The following SCFD2 variants were observed in gnomAD, a reference collection of about 807,000 sequenced individuals.
The protein encoded by SCFD2 is sec1 family domain containing 2.
In SCFD2, 54 loss-of-function variants were observed where a neutral mutation model predicts 58.9. The observed-to-expected ratio is 0.92, with a 90% CI of 0.74 to 1.15. The LOEUF is 1.15. SCFD2 is among the 50% of genes most tolerant of loss of function. SCFD2 has a pLI of 0.00. For synonymous variants in SCFD2, 321 were observed against 335.9 expected, an observed-to-expected ratio of 0.96 and a Z score of 0.49; for missense variants, 805 against 836.6, an observed-to-expected ratio of 0.96 and a Z score of 0.47.
intron 4 of SCFD2, among the ~76,000 whole-genome samples, chr4:53,168,496 A>C (rs2148934107): frequency 6.6e-6 from 1 of 152,368 alleles, no homozygotes; most frequent in East Asian, 1.9e-4. Flanking sequence ...ACTGACTTCA[A>C]TAGTGGAATT....
intron 4 of SCFD2, among the ~76,000 whole-genome samples, chr4:53,200,730 T>C (rs1409213331): frequency 6.6e-6 from 1 of 152,176 alleles, no homozygotes; most frequent in African/African-American, 2.4e-5. Context: ...AGGATAAATG[T>C]AGACTAAAGT....
chr4:53,271,431 A>G (rs1731163144), intron 4 of SCFD2, among the ~76,000 whole-genome samples: 1 of 137,542 alleles, frequency 7.3e-6, no homozygotes, highest in African/African-American at 2.7e-5. Context: ...ATCTACATAC[A>G]TCACTTTATT....
intron 2 of SCFD2, among the ~76,000 whole-genome samples, chr4:53,330,196 C>G (rs1054474897): frequency 5.3e-5 from 8 of 152,122 alleles, no homozygotes; most frequent in Non-Finnish European, 1.0e-4. Context: ...GGAGAACTTC[C>G]CCAATCTCGC....
intron 2 of SCFD2, among the ~76,000 whole-genome samples, chr4:53,349,817 C>CA (rs1225150845): frequency 1.3e-5 from 2 of 152,162 alleles, no homozygotes; most frequent in East Asian, 3.9e-4. Context: ...TTTCTTTTAG[C>CA]AAACTCCTCT....
At chr4:52,907,310 G>A (rs1166783071) in intron 7 of SCFD2, 147 bp downstream of exon 7, 4 of 763,340 alleles carry the variant, frequency 5.2e-6, no homozygotes. Context: ...ATAATCAAAA[G>A]ATAAAGATTG....
At chr4:53,288,530 A>G (rs1159613768) in intron 3 of SCFD2, among the ~76,000 whole-genome samples, 2 of 152,238 alleles carry the variant, frequency 1.3e-5, no homozygotes, top group Non-Finnish European at 2.9e-5. Context: ...TCAGATTACC[A>G]GCGAATTTCT....
At chr4:53,067,901 A>G (rs191535428) in intron 5 of SCFD2, among the ~76,000 whole-genome samples, 57 of 152,192 alleles carry the variant, frequency 3.7e-4, no homozygotes, top group African/African-American at 1.3e-3. Flanking sequence ...CGAGAGATGA[A>G]GGCTGATAGA....
chr4:53,211,946 T>G (rs1728625879), intron 4 of SCFD2, among the ~76,000 whole-genome samples: 2 of 152,098 alleles, frequency 1.3e-5, no homozygotes, highest in South Asian at 2.1e-4. Context: ...GACCATACAC[T>G]GGAAAACCAA....
chr4:53,112,461 A>T (rs1321529612), intron 5 of SCFD2, among the ~76,000 whole-genome samples: 1 of 152,134 alleles, frequency 6.6e-6, no homozygotes, highest in Non-Finnish European at 1.5e-5. Flanking sequence ...AGCAGAGAAC[A>T]GTTAAGTCAT....
At chr4:53,214,057 C>G (rs1439181800) in intron 4 of SCFD2, among the ~76,000 whole-genome samples, 8 of 151,948 alleles carry the variant, frequency 5.3e-5, no homozygotes, top group Non-Finnish European at 8.8e-5. Flanking sequence ...GTCTATCATT[C>G]ATGGACATTT....
chr4:53,035,958 A>G (rs999660777), intron 5 of SCFD2, among the ~76,000 whole-genome samples: 5 of 152,222 alleles, frequency 3.3e-5, no homozygotes, highest in African/African-American at 1.2e-4. Context: ...CCATTGACCC[A>G]GCAATCCCAT....
chr4:53,335,963 A>G (rs759466527), intron 2 of SCFD2, among the ~76,000 whole-genome samples: 14 of 152,198 alleles, frequency 9.2e-5, no homozygotes, highest in Non-Finnish European at 1.8e-4. Flanking sequence ...TATATAAAAC[A>G]TAAGCTCTGA....
chr4:52,904,214 G>C (rs1719291682), intron 7 of SCFD2, among the ~76,000 whole-genome samples: 2 of 152,216 alleles, frequency 1.3e-5, no homozygotes, highest in Admixed American at 1.3e-4. Flanking sequence ...AGATGGATGA[G>C]CGGCTCAGCT....
In SCFD2 at chr4:52,997,409, C is replaced by T. The variant is rs148509602; in HGVS notation, c.1562-76539G>A. On this transcript the variant is annotated intron_variant, in intron 5 of 8. Coordinates refer to ENST00000401642, the MANE Select transcript of SCFD2 (RefSeq NM_152540.4). ...ACTTTCCGTGGCAGGAATAGAAAGGCGAAAAAGCCTATTGTAGTGTGTCTT... is the reference window on the plus strand; with the variant it reads ...ACTTTCCGTGGCAGGAATAGAAAGGTGAAAAAGCCTATTGTAGTGTGTCTT... Among the ~76,000 whole-genome samples the T allele has an allele frequency of 3.3e-3, 503 of 152,272 alleles. 1 individual carries two copies. Among genetic ancestry groups the T allele is most frequent in the African/African-American group, 0.012 (478 of 41,552 alleles).
At chr4:52,964,285 T>C (rs1560495410) in intron 5 of SCFD2, among the ~76,000 whole-genome samples, 1 of 152,200 alleles carries the variant, frequency 6.6e-6, no homozygotes, top group Non-Finnish European at 1.5e-5. Flanking sequence ...GTTGCTTAAG[T>C]TCTGGGCTGG....
chr4:53,255,786 C>T (rs1396894691), intron 4 of SCFD2, among the ~76,000 whole-genome samples: 14 of 151,004 alleles, frequency 9.3e-5, no homozygotes, highest in South Asian at 6.3e-4. Context: ...CCAGTAGGGG[C>T]GGCCGGGCAG....
At chr4:53,229,140 A>G (rs1049026511) in intron 4 of SCFD2, among the ~76,000 whole-genome samples, 1 of 152,214 alleles carries the variant, frequency 6.6e-6, no homozygotes, top group African/African-American at 2.4e-5. Flanking sequence ...CAAATGGAAG[A>G]ACATCCCATG....
chr4:52,994,124 G>A (rs1233424422), intron 5 of SCFD2, among the ~76,000 whole-genome samples: 1 of 152,184 alleles, frequency 6.6e-6, no homozygotes, highest in South Asian at 2.1e-4. Flanking sequence ...AATGGTTGGG[G>A]GAGAAATGAA....
chr4:53,352,018 G>A (rs1006217522), intron 2 of SCFD2, among the ~76,000 whole-genome samples: 1 of 151,824 alleles, frequency 6.6e-6, no homozygotes, highest in Non-Finnish European at 1.5e-5. Context: ...TGTTAATGAA[G>A]GACAAAGTTG....
Sources: gnomAD v4.1 joint callset for allele counts (sites outside exome capture counted in the v4.1 genomes callset) on GRCh38, gnomAD v4.1.1 for gene constraint, MANE v1.5 for transcripts, NCBI Gene and HGNC (gene_info 2026-07-23, HGNC 2026-07-21) for gene names.